Variants in ENPP3 observed in about 807,000 individuals in gnomAD.
ENPP3 encodes the protein ectonucleotide pyrophosphatase/phosphodiesterase 3.
ENPP3 carries 104 observed loss-of-function variants against 117.8 expected under a neutral mutation model. The observed-to-expected ratio is 0.88, with a 90% CI of 0.75 to 1.04. The LOEUF is 1.04. ENPP3 is among the 50% of genes least tolerant of loss of function. The pLI, the probability that ENPP3 is intolerant of heterozygous loss-of-function variation, is 0.00. For synonymous variants in ENPP3, 380 were observed against 349.9 expected (o/e 1.09, Z -0.96); for missense variants, 1,026 against 1,051.9 (o/e 0.98, Z 0.34).
rs115343581 is a variant in ENPP3, at chr6:131,742,961, T to G, written c.2457+2581T>G. On this transcript the variant is annotated intron_variant, in intron 24 of 24. Transcript: ENST00000357639. ...CATCATCAGTAATAAATTGGACATATCCAAGATTTTGAGGAATTTGCAGTA... is the reference window on the plus strand; with the variant it reads ...CATCATCAGTAATAAATTGGACATAGCCAAGATTTTGAGGAATTTGCAGTA... Among the ~76,000 whole-genome samples, 429 of 152,270 alleles carry G rather than the reference T, an allele frequency of 2.8e-3. 3 individuals carry two copies. The highest frequency in any genetic ancestry group is 9.9e-3 in the African/African-American group (411 of 41,556).
At chr6:131,662,682 C>A (rs980388277) in intron 6 of ENPP3, among the ~76,000 whole-genome samples, 11 of 152,030 alleles carry the variant, frequency 7.2e-5, no homozygotes, top group African/African-American at 1.4e-4. Context: ...TCGTGGTTAT[C>A]TGGGGTGTTA....
intron 24 of ENPP3, among the ~76,000 whole-genome samples, chr6:131,743,223 G>A (rs1780565670): frequency 6.6e-6 from 1 of 151,942 alleles, no homozygotes; most frequent in African/African-American, 2.4e-5. Flanking sequence ...TGAGAAGGAT[G>A]GATTTGCTCT....
At chr6:131,658,027 C>T (rs1043041606) in intron 5 of ENPP3, among the ~76,000 whole-genome samples, 11 of 151,544 alleles carry the variant, frequency 7.3e-5, no homozygotes, top group Non-Finnish European at 1.5e-4. Context: ...TGGTGGTGTA[C>T]GACTGTAATC....
chr6:131,726,863 T>C (rs770499075), intron 20 of ENPP3, among the ~76,000 whole-genome samples: 1 of 152,196 alleles, frequency 6.6e-6, no homozygotes, highest in Non-Finnish European at 1.5e-5. Flanking sequence ...GATCCCTACC[T>C]CACACCACAC....
chr6:131,700,592 C>T (rs1408227869), intron 15 of ENPP3: 1 of 1,539,772 alleles, frequency 6.5e-7, no homozygotes. Flanking sequence ...GGAGATATTT[C>T]TTCTGCTCCT....
chr6:131,686,929 G>A (rs556169226), intron 14 of ENPP3, among the ~76,000 whole-genome samples: 2 of 152,238 alleles, frequency 1.3e-5, no homozygotes, highest in South Asian at 4.1e-4. Flanking sequence ...GAGCACCTGG[G>A]TTGATTCCAT....
chr6:131,708,644 T>G, intron 15 of ENPP3: 1 of 1,582,612 alleles, frequency 6.3e-7, no homozygotes, highest in Non-Finnish European at 8.5e-7. Flanking sequence ...CAGGCTCCTT[T>G]GAAGGCGGAA....
intron 18 of ENPP3, 108 bp downstream of exon 18, chr6:131,722,513 A>G (rs1780058854): frequency 6.2e-6 from 5 of 808,666 alleles, no homozygotes; most frequent in Non-Finnish European, 1.0e-5. Flanking sequence ...TCCGCCTTGG[A>G]TATTTACTTA....
intron 5 of ENPP3, among the ~76,000 whole-genome samples, chr6:131,655,917 C>A (rs919513584): frequency 1.3e-5 from 2 of 152,316 alleles, no homozygotes; most frequent in South Asian, 2.1e-4. Flanking sequence ...TGAAGTCATT[C>A]CTGCCTATAC....
intron 15 of ENPP3, among the ~76,000 whole-genome samples, chr6:131,701,753 G>T (rs560086319): frequency 7.3e-5 from 11 of 150,734 alleles, no homozygotes; most frequent in Non-Finnish European, 1.3e-4. Context: ...GTGGCGGCGT[G>T]TACCTGTAGT....
intron 15 of ENPP3, among the ~76,000 whole-genome samples, chr6:131,715,497 CAG>C (rs1171532877): frequency 1.4e-5 from 2 of 138,522 alleles, no homozygotes; most frequent in African/African-American, 3.2e-5. Context: ...TCTTCTGGTG[CAG>C]AGATTGCGGT....
intron 3 of ENPP3, among the ~76,000 whole-genome samples, chr6:131,651,528 A>G (rs76361579): frequency 0.014 from 2,122 of 152,062 alleles, 45 homozygotes; most frequent in African/African-American, 0.046. Context: ...GTGCAATAAA[A>G]CTCTCTGGGA....
At chr6:131,657,873 A>G (rs1483635575) in intron 5 of ENPP3, among the ~76,000 whole-genome samples, 1 of 152,152 alleles carries the variant, frequency 6.6e-6, no homozygotes, top group African/African-American at 2.4e-5. Flanking sequence ...TAACAGAAGT[A>G]AAATTTTAGG....
chr6:131,651,221 C>T (rs1267558091), intron 3 of ENPP3, among the ~76,000 whole-genome samples: 1 of 152,078 alleles, frequency 6.6e-6, no homozygotes, highest in Non-Finnish European at 1.5e-5. Context: ...CACCCAGCCT[C>T]GGCAAGTAAT....
Position 131,650,107 on chromosome 6 carries a change from G to C in ENPP3, c.235G>C (p.Gly79Arg). ...GTGTGATGTGGCATGTAAAGACCGAGGTGATTGCTGCTGGGATTTTGAAGA... is the reference window on the plus strand; with the variant it reads ...GTGTGATGTGGCATGTAAAGACCGACGTGATTGCTGCTGGGATTTTGAAGA... ...CRCDVACKDR[G>R]DCCWDFEDTC... Residue 79 changes from glycine to arginine, a missense_variant, in exon 3 of 25, where the codon GGT (glycine) becomes CGT (arginine). Physicochemically the swap from Gly to Arg is moderately radical, Grantham distance 125. Coordinates refer to ENST00000357639, the MANE Select transcript of ENPP3 (RefSeq NM_005021.5). The C allele has an allele frequency of 1.9e-6, 3 of 1,614,078 alleles. No individual in the cohort carries two copies. The highest frequency in any genetic ancestry group is 2.5e-6 in the Non-Finnish European group (3 of 1,179,984).
chr6:131,689,903 G>C (rs757206147), intron 14 of ENPP3, among the ~76,000 whole-genome samples: 4 of 152,044 alleles, frequency 2.6e-5, no homozygotes, highest in Admixed American at 2.6e-4. Context: ...AACTTTGAAG[G>C]GTTCATGACT....
intron 5 of ENPP3, among the ~76,000 whole-genome samples, chr6:131,654,276 G>A (rs1417105765): frequency 6.6e-6 from 1 of 151,940 alleles, no homozygotes; most frequent in African/African-American, 2.4e-5. Context: ...TGAGACTACA[G>A]GCATGGGCCA....
At chr6:131,671,576 C>A (rs555864840) in intron 7 of ENPP3, among the ~76,000 whole-genome samples, 1 of 152,246 alleles carries the variant, frequency 6.6e-6, no homozygotes, top group South Asian at 2.1e-4. Flanking sequence ...AAAACAGACC[C>A]TTTGATGTGA....
chr6:131,693,730 G>A, intron 15 of ENPP3, 106 bp downstream of exon 15: 1 of 1,169,856 alleles, frequency 8.5e-7, no homozygotes, highest in Non-Finnish European at 1.2e-6. Context: ...ATTTTCCTGA[G>A]CATTGACATT....
Sources: allele counts gnomAD v4.1 joint callset (sites outside exome capture counted in the v4.1 genomes callset), GRCh38; gene constraint gnomAD v4.1.1; transcripts MANE v1.5; gene names NCBI Gene and HGNC (gene_info 2026-07-23, HGNC 2026-07-21).